The following SPAST variants were observed in gnomAD, a reference collection of about 807,000 sequenced individuals.
The protein encoded by SPAST is spastin.
Under a neutral mutation model 76.6 loss-of-function variants are expected in SPAST, and 30 were observed. The observed-to-expected ratio is 0.39, with a 90% confidence interval of 0.29 to 0.53. The LOEUF (loss-of-function observed/expected upper bound fraction) is 0.53, where lower values mean the gene tolerates loss of function less well. Among genes scored for constraint, SPAST ranks in the 20% least tolerant of loss-of-function variants. The pLI, the probability that SPAST is intolerant of heterozygous loss-of-function variation, is 0.68. For synonymous variants in SPAST, 305 were observed against 281.0 expected, an observed-to-expected ratio of 1.09 and a Z score of -0.86; for missense variants, 717 against 770.5, an observed-to-expected ratio of 0.93 and a Z score of 0.82.
At chr2:32,066,372 C>T (rs1407686176) in intron 1 of SPAST, among the ~76,000 whole-genome samples, 2 of 151,996 alleles carry the variant, frequency 1.3e-5, no homozygotes, top group Non-Finnish European at 2.9e-5. Context: ...CATGTTTAAG[C>T]GTAGATCATT....
At chr2:32,108,300 T>G (rs569104032) in intron 4 of SPAST, among the ~76,000 whole-genome samples, 1 of 152,274 alleles carries the variant, frequency 6.6e-6, no homozygotes, top group East Asian at 1.9e-4. Context: ...AAAAGAAAGA[T>G]TCAGTGACTT....
At chr2:32,137,885 TCCC>T (rs1679592330) in intron 12 of SPAST, among the ~76,000 whole-genome samples, 1 of 152,086 alleles carries the variant, frequency 6.6e-6, no homozygotes, top group South Asian at 2.1e-4. Flanking sequence ...AATTTTTAGC[TCCC>T]CACTTATGAG....
At chr2:32,067,572 T>C (rs1468100980) in intron 1 of SPAST, among the ~76,000 whole-genome samples, 1 of 152,112 alleles carries the variant, frequency 6.6e-6, no homozygotes, top group Non-Finnish European at 1.5e-5. Context: ...ATCACATATA[T>C]GAATATATCT....
chr2:32,098,931 A>C, intron 4 of SPAST, 40 bp downstream of exon 4: 2 of 1,322,464 alleles, frequency 1.5e-6, no homozygotes, highest in Non-Finnish European at 2.2e-6. Context: ...TAAAGCTTGC[A>C]TGCAAAGTAA....
Position 32,099,066 on chromosome 2 carries a change from G to A in SPAST, c.682+175G>A, listed in dbSNP as rs7605242. On this transcript the variant is annotated intron_variant, in intron 4 of 16. Transcript: ENST00000315285. ...ATCATAGTATATAAACATGCAACAA[G>A]TCAGGTATAGTCATTCTAAACTTGC... Among the ~76,000 whole-genome samples the A allele has an allele frequency of 0.42, 64,255 of 151,960 alleles. 13,880 individuals carry two copies. The highest frequency in any genetic ancestry group is 0.64 in the East Asian group (3,305 of 5,170).
chr2:32,142,283 C>G (rs116219972), intron 13 of SPAST, among the ~76,000 whole-genome samples: 3 of 152,162 alleles, frequency 2.0e-5, no homozygotes, highest in African/African-American at 7.2e-5. Context: ...ATCCATTATA[C>G]ATGCTGCATA....
intron 9 of SPAST, chr2:32,129,427 T>G (rs1679300159): frequency 6.6e-6 from 1 of 152,158 alleles, no homozygotes; most frequent in African/African-American, 2.4e-5. Context: ...GTTTATAATT[T>G]TGTTTTCTTT....
In SPAST at chr2:32,069,610, G is replaced by T. The variant is rs1055010848; in HGVS notation, c.415+5364G>T. ...CTTGCTCTGTCACCCAGGCTGGAGTGCAGTGGCGAGATCTCAGCTCGCTGC... is the reference window on the plus strand; with the variant it reads ...CTTGCTCTGTCACCCAGGCTGGAGTTCAGTGGCGAGATCTCAGCTCGCTGC... On this transcript the variant is annotated intron_variant, in intron 1 of 16. Coordinates refer to ENST00000315285, the MANE Select transcript of SPAST (RefSeq NM_014946.4). Among the ~76,000 whole-genome samples the T allele has an allele frequency of 4.0e-5, 6 of 149,102 alleles. No individual in the cohort carries two copies. In the East Asian group the frequency reaches 7.9e-4, roughly 20 times the overall value.
rs187276470 is a variant in SPAST at position 32,070,154 on chromosome 2, C to A, written c.415+5908C>A. The stretch of plus-strand genomic sequence containing the variant: ...AATCTCGGTTCACTGTAACCTCCAC[C>A]TCCCGGGTTCAAGCGATTCTCCTGC... On this transcript the variant is annotated intron_variant, in intron 1 of 16. Coordinates refer to ENST00000315285, the MANE Select transcript of SPAST (RefSeq NM_014946.4). Among the ~76,000 whole-genome samples, 887 of 151,820 alleles carry A rather than the reference C, an allele frequency of 5.8e-3. 11 individuals are homozygous for A. The highest frequency in any genetic ancestry group is 0.02 in the African/African-American group (830 of 41,384).
At chr2:32,106,922 T>A (rs1678346542) in intron 4 of SPAST, among the ~76,000 whole-genome samples, 1 of 151,538 alleles carries the variant, frequency 6.6e-6, no homozygotes, top group Non-Finnish European at 1.5e-5. Context: ...TAAGAGTCCA[T>A]CACATATAAA....
chr2:32,074,047 A>G (rs1342219827), intron 1 of SPAST, among the ~76,000 whole-genome samples: 2 of 152,174 alleles, frequency 1.3e-5, no homozygotes. Context: ...GAGAACACAC[A>G]TATGTAATAA....
chr2:32,104,015 A>G (rs927753719), intron 4 of SPAST, among the ~76,000 whole-genome samples: 5 of 149,260 alleles, frequency 3.3e-5, no homozygotes, highest in Non-Finnish European at 3.0e-5. Context: ...CAGTTCCTGG[A>G]TCTGTCTTGT....
intron 1 of SPAST, among the ~76,000 whole-genome samples, chr2:32,071,483 T>C (rs1420053097): frequency 6.6e-6 from 1 of 152,196 alleles, no homozygotes; most frequent in Non-Finnish European, 1.5e-5. Context: ...TGAAGAGATT[T>C]ATTCTGAGCC....
At position 32,063,636 on chromosome 2, in the gene SPAST, A is replaced by G; in HGVS notation, c.-196A>G. The G allele has an allele frequency of 1.6e-6, 1 of 642,688 alleles. No individual in the cohort carries two copies. The highest frequency in any genetic ancestry group is 2.6e-6 in the Non-Finnish European group (1 of 389,388). The allele number at this position is 642,688 out of a possible 1,614,324, so 39.8% of individuals were successfully genotyped here. A position where few individuals can be genotyped will look rare whatever the true frequency, so the allele number is the denominator to read the frequency against. On this transcript the variant is annotated 5_prime_UTR_variant, in exon 1 of 17. Coordinates refer to ENST00000315285, the MANE Select transcript of SPAST (RefSeq NM_014946.4). ...GGCCCGAGCCACCGACTGCAGGAGG[A>G]GAAGGGGTTGTGCTCCTGGCCGAGG...
intron 8 of SPAST, chr2:32,128,188 T>G (rs1679257029): frequency 2.1e-6 from 1 of 477,728 alleles, no homozygotes; most frequent in African/African-American, 2.0e-5. Context: ...AGAGATGGGA[T>G]TTCACCATGT....
chr2:32,070,018 A>G (rs1219301206), intron 1 of SPAST, among the ~76,000 whole-genome samples: 1 of 151,228 alleles, frequency 6.6e-6, no homozygotes, highest in Admixed American at 6.6e-5. Context: ...TTATATGGTG[A>G]CTATGTTTAT....
At chr2:32,127,272 C>A in intron 8 of SPAST, 1 of 479,756 alleles carries the variant, frequency 2.1e-6, no homozygotes. Flanking sequence ...CACACGCCAC[C>A]ACACCTGTCT....
chr2:32,134,708 T>A (rs76468207), intron 9 of SPAST, among the ~76,000 whole-genome samples: 93 of 152,270 alleles, frequency 6.1e-4, no homozygotes, highest in African/African-American at 2.2e-3. Flanking sequence ...GCTTTTTATT[T>A]TTTTGGGACA....
Position 32,063,893 on chromosome 2 carries a change from C to T in SPAST, c.62C>T (p.Pro21Leu), listed in dbSNP as rs1305710044. 2 of 1,580,702 alleles carry T rather than the reference C, an allele frequency of 1.3e-6. No individual in the cohort carries two copies. Among genetic ancestry groups the T allele is most frequent in the African/African-American group, 1.3e-5 (1 of 74,394 alleles). Residue 21 changes from proline (P) to leucine (L), a missense_variant, in exon 1 of 17, where the codon CCT (proline) becomes CTT (leucine). Transcript: ENST00000315285. The stretch of plus-strand genomic sequence containing the variant: ...TCCGGCGGCGCCAGCAACCCGGTGC[C>T]TCCCAGGCCTCCGCCCCCTTGCCTG... ...KGSGGASNPV[P>L]PRPPPPCLAP...
Sources: allele counts gnomAD v4.1 joint callset (sites outside exome capture counted in the v4.1 genomes callset), GRCh38; gene constraint gnomAD v4.1.1; transcripts MANE v1.5; gene names NCBI Gene and HGNC (gene_info 2026-07-23, HGNC 2026-07-21).